GRIK2: variants seen among roughly 807,000 people sequenced by gnomAD.
The protein encoded by GRIK2 is glutamate receptor ionotropic, kainate 2.
Under a neutral mutation model 100.3 loss-of-function variants are expected in GRIK2, and 32 were observed. The ratio of observed to expected loss-of-function variants is 0.32; its 90% CI spans 0.24 to 0.43. The LOEUF is 0.43. GRIK2 is among the 20% of genes least tolerant of loss of function. The pLI is 1.00. For synonymous variants in GRIK2, 417 were observed against 389.4 expected, an observed-to-expected ratio of 1.07 and a Z score of -0.83; for missense variants, 843 against 1,114.9, an observed-to-expected ratio of 0.76 and a Z score of 3.47.
intron 15 of GRIK2, among the ~76,000 whole-genome samples, chr6:102,049,500 G>T (rs2518153): frequency 0.36 from 55,288 of 151,944 alleles, 10,419 homozygotes; most frequent in Middle Eastern, 0.45. Context: ...TTAAACATTA[G>T]AAACAAGTTT....
intron 2 of GRIK2, among the ~76,000 whole-genome samples, chr6:101,520,824 GC>G (rs2128281341): frequency 6.6e-6 from 1 of 152,168 alleles, no homozygotes; most frequent in Non-Finnish European, 1.5e-5. Context: ...GTGCCATGAT[GC>G]AGAGCAATGT....
rs534521582 is a variant in GRIK2 at position 101,798,388 on chromosome 6, G to A, written c.952-1260G>A. On this transcript the variant is annotated intron_variant, in intron 7 of 16. Transcript: ENST00000369134. ...AATGAACACTACTAGTTTTCACTAT[G>A]CATCCTTCAGGGTATGTGAAAATAG... Among the ~76,000 whole-genome samples the A allele has an allele frequency of 1.8e-4, 27 of 152,080 alleles. No individual in the cohort carries two copies. In the South Asian group the frequency reaches 5.4e-3, roughly 30 times the overall value.
intron 12 of GRIK2, among the ~76,000 whole-genome samples, chr6:101,893,712 T>C (rs962088587): frequency 4.6e-5 from 7 of 151,756 alleles, no homozygotes; most frequent in Non-Finnish European, 1.0e-4. Context: ...TCCCATAAAA[T>C]ATTAAACATT....
At chr6:101,406,566 G>A (rs948474213) in intron 2 of GRIK2, among the ~76,000 whole-genome samples, 2 of 152,114 alleles carry the variant, frequency 1.3e-5, no homozygotes, top group African/African-American at 4.8e-5. Context: ...GGAACACATA[G>A]TCTCAAGACT....
At chr6:101,410,089 TACA>T (rs1775817169) in intron 2 of GRIK2, among the ~76,000 whole-genome samples, 1 of 152,080 alleles carries the variant, frequency 6.6e-6, no homozygotes, top group Non-Finnish European at 1.5e-5. Flanking sequence ...CTCAAATATA[TACA>T]ACATCAGAAG....
chr6:101,866,327 G>C (rs1232945017), intron 11 of GRIK2, among the ~76,000 whole-genome samples: 1 of 152,036 alleles, frequency 6.6e-6, no homozygotes, highest in African/African-American at 2.4e-5. Flanking sequence ...TGCTATAATT[G>C]AAGATGCACA....
chr6:101,456,774 T>C (rs1771033380), intron 2 of GRIK2, among the ~76,000 whole-genome samples: 1 of 152,094 alleles, frequency 6.6e-6, no homozygotes. Context: ...CATTAAGACT[T>C]TTCATTTGTA....
intron 2 of GRIK2, among the ~76,000 whole-genome samples, chr6:101,455,332 A>G (rs1262176397): frequency 6.6e-6 from 1 of 152,166 alleles, no homozygotes; most frequent in Non-Finnish European, 1.5e-5. Flanking sequence ...CTCTCCAAGC[A>G]AAATGCCATA....
In GRIK2 at chr6:101,510,529, T is replaced by G. The variant is rs1222947463; in HGVS notation, c.115+111137T>G. ...TGGGGAGTTTTTTTTTTTTTTTTTT[T>G]TTTTTTTTTTTGAGATTGAGTCTCA... On this transcript the variant is annotated intron_variant, in intron 2 of 16. Transcript: ENST00000369134. Among the ~76,000 whole-genome samples the G allele has an allele frequency of 7.7e-5, 11 of 142,494 alleles. 1 individual carries two copies. In the South Asian group the frequency reaches 2.1e-3, roughly 28 times the overall value. 93.5% of individuals were successfully genotyped at this position (142,494 alleles called of 152,430 possible). A position where few individuals can be genotyped will look rare whatever the true frequency, so the allele number is the denominator to read the frequency against.
intron 5 of GRIK2, 53 bp from the exon 6 acceptor site, chr6:101,682,500 A>G (rs1771348444): frequency 3.8e-6 from 3 of 792,244 alleles, no homozygotes; most frequent in South Asian, 2.9e-5. Flanking sequence ...TGAATTACTG[A>G]CATACTGTCT....
chr6:101,600,323 T>C (rs1487925015), intron 2 of GRIK2, among the ~76,000 whole-genome samples: 2 of 151,860 alleles, frequency 1.3e-5, no homozygotes, highest in East Asian at 3.9e-4. Context: ...CAGATTGAAG[T>C]CAGATAATGT....
intron 2 of GRIK2, among the ~76,000 whole-genome samples, chr6:101,421,994 T>C (rs1776436299): frequency 6.6e-6 from 1 of 152,210 alleles, no homozygotes; most frequent in African/African-American, 2.4e-5. Context: ...CCAATGACAC[T>C]TTTGTATGAC....
At chr6:102,004,835 C>T (rs1050643617) in intron 14 of GRIK2, among the ~76,000 whole-genome samples, 21 of 151,580 alleles carry the variant, frequency 1.4e-4, no homozygotes, top group African/African-American at 5.1e-4. Context: ...GTTAAACTGC[C>T]CCCCCACCAC....
intron 12 of GRIK2, among the ~76,000 whole-genome samples, chr6:101,895,524 C>T (rs1787380614): frequency 6.6e-6 from 1 of 151,668 alleles, no homozygotes; most frequent in Non-Finnish European, 1.5e-5. Context: ...ATATTTTTGT[C>T]ACAGTGATGG....
intron 7 of GRIK2, among the ~76,000 whole-genome samples, chr6:101,707,594 G>GTATA (rs1193552049): frequency 1.6e-4 from 17 of 106,138 alleles, no homozygotes; most frequent in African/African-American, 4.9e-4. Flanking sequence ...GTGTGTGTGT[G>GTATA]TATATATGTG....
chr6:101,851,375 C>A (rs1366014398), intron 10 of GRIK2, among the ~76,000 whole-genome samples: 4 of 151,936 alleles, frequency 2.6e-5, no homozygotes, highest in Admixed American at 1.3e-4. Context: ...CCCTCATATG[C>A]TTCACAGACT....
chr6:101,662,727 C>T (rs1015188230), intron 4 of GRIK2, among the ~76,000 whole-genome samples: 1 of 152,124 alleles, frequency 6.6e-6, no homozygotes, highest in African/African-American at 2.4e-5. Flanking sequence ...ATTCTGAACA[C>T]TTCTATCGTG....
intron 2 of GRIK2, among the ~76,000 whole-genome samples, chr6:101,518,240 G>A (rs935443134): frequency 4.6e-5 from 7 of 152,126 alleles, no homozygotes; most frequent in African/African-American, 1.7e-4. Flanking sequence ...GAGAAAAACA[G>A]TCACTGTTAA....
At chr6:101,574,214 T>C (rs929911009) in intron 2 of GRIK2, among the ~76,000 whole-genome samples, 1 of 150,118 alleles carries the variant, frequency 6.7e-6, no homozygotes, top group African/African-American at 2.4e-5. Flanking sequence ...CAACTGAAAA[T>C]TTTAAAACAG....
Sources: allele counts gnomAD v4.1 joint callset (sites outside exome capture counted in the v4.1 genomes callset), GRCh38; gene constraint gnomAD v4.1.1; transcripts MANE v1.5; gene names NCBI Gene and HGNC (gene_info 2026-07-23, HGNC 2026-07-21).